NFIC: variants seen among roughly 807,000 people sequenced by gnomAD.
The protein encoded by NFIC is nuclear factor 1 C-type.
NFIC carries 12 observed loss-of-function variants against 54.4 expected under a neutral mutation model. The observed-to-expected ratio is 0.22, with a 90% CI of 0.14 to 0.36. NFIC has a LOEUF of 0.36. Ranked by LOEUF, NFIC falls within the 10% of genes least tolerant of loss-of-function variation. NFIC has a pLI of 1.00. For synonymous variants in NFIC, 322 were observed against 319.2 expected (o/e 1.01, Z -0.09); for missense variants, 575 against 718.2 (o/e 0.80, Z 2.28).
Position 3,369,798 on chromosome 19 carries a change from GGGCCAAGTCCCTCTT to G in NFIC, c.30+3137_30+3151del, listed in dbSNP as rs2080966934. ...CGCCACGTTAGTTATTCCGGGTTTG[GGGCCAAGTCCCTCTT>G]GGCCGCAGCGTGGCGGATTCCCCGA... On this transcript the variant is annotated intron_variant, in intron 1 of 10. Transcript: ENST00000443272. The surrounding 1 kb of genome is among the most constrained non-coding windows in gnomAD (Gnocchi z 4.3). Among the ~76,000 whole-genome samples, 3 of 152,288 alleles carry G rather than the reference GGGCCAAGTCCCTCTT, an allele frequency of 2.0e-5. No homozygotes were observed. The highest frequency in any genetic ancestry group is 2.0e-4 in the Admixed American group (3 of 15,308).
At position 3,453,150 on chromosome 19, in the gene NFIC, G is replaced by A. The variant is rs1320734192; in HGVS notation, c.1269+484G>A. On this transcript the variant is annotated intron_variant, in intron 8 of 10. Coordinates refer to ENST00000443272, the MANE Select transcript of NFIC (RefSeq NM_001245002.2). The surrounding 1 kb of genome is among the most constrained non-coding windows in gnomAD (Gnocchi z 6.7). ...GCTACTCAGGAGGCTGAGGTGGGAG[G>A]ATCGCTTGAACCTGGGAGGTCGAGG... 3.9e-5 allele frequency among the ~76,000 whole-genome samples: 6 copies of A among 152,168 alleles called. No individual in the cohort carries two copies. The highest frequency in any genetic ancestry group is 8.8e-5 in the Non-Finnish European group (6 of 68,040).
intron 1 of NFIC, among the ~76,000 whole-genome samples, chr19:3,373,265 G>A (rs2081053335): frequency 1.3e-5 from 2 of 152,202 alleles, no homozygotes; most frequent in African/African-American, 2.4e-5. Context: ...TGTCCTCCCA[G>A]AACATCAAGG....
chr19:3,435,263 AACTACGTCTTCCGGCAGCC>A, intron 6 of NFIC, 56 bp downstream of exon 6: 1 of 1,476,702 alleles, frequency 6.8e-7, no homozygotes, highest in Non-Finnish European at 9.1e-7. Flanking sequence ...CCGTGGCGGG[AACTACGTCTTCCGGCAGCC>A]ACTGCGCGGG....
chr19:3,453,624 G>T lies in NFIC; in HGVS notation c.1270-139G>T. 1 of 1,219,342 alleles carries T rather than the reference G, an allele frequency of 8.2e-7. No individual in the cohort carries two copies. Among genetic ancestry groups the T allele is most frequent in the Non-Finnish European group, 1.1e-6 (1 of 908,044 alleles). The allele number at this position is 1,219,342 out of a possible 1,614,324, so 75.5% of individuals were successfully genotyped here. A position where few individuals can be genotyped will look rare whatever the true frequency, so the allele number is the denominator to read the frequency against. ...GGCCGTCCTCAGACCCACCAAACCC[G>T]CCATGGTCACACCCGCGCCCTGGCC... On this transcript the variant is annotated intron_variant, in intron 8 of 10. Coordinates refer to ENST00000443272, the MANE Select transcript of NFIC (RefSeq NM_001245002.2). The surrounding 1 kb of genome is among the most constrained non-coding windows in gnomAD (Gnocchi z 6.7).
At chr19:3,415,634 C>A (rs192563391) in intron 2 of NFIC, among the ~76,000 whole-genome samples, 73 of 152,128 alleles carry the variant, frequency 4.8e-4, no homozygotes, top group African/African-American at 1.7e-3. Flanking sequence ...CTGTAGCCCC[C>A]CAACCCCTGC....
intron 1 of NFIC, 92 bp from the exon 2 acceptor site, chr19:3,381,620 A>C: frequency 2.0e-6 from 3 of 1,497,226 alleles, no homozygotes; most frequent in South Asian, 1.3e-5. Flanking sequence ...GGGTCTGTTC[A>C]GGGCCCCTCC....
intron 2 of NFIC, among the ~76,000 whole-genome samples, chr19:3,410,436 A>T (rs959438814): frequency 6.6e-6 from 1 of 152,200 alleles, no homozygotes; most frequent in Admixed American, 6.5e-5. Context: ...TTCCAGGCAG[A>T]GGCGCAGCCC....
chr19:3,366,609 C>G lies in NFIC; in HGVS notation c.-28C>G. 1 of 1,474,630 alleles carries G rather than the reference C, an allele frequency of 6.8e-7. No individual in the cohort carries two copies. The highest frequency in any genetic ancestry group is 9.0e-7 in the Non-Finnish European group (1 of 1,107,286). 91.3% of individuals were successfully genotyped at this position (1,474,630 alleles called of 1,614,324 possible). ...GTAAGTTCAGCGCGCCCGCTCCGGC[C>G]GGCCCTGCGCCTCCCGCCGCGCCCG... On this transcript the variant is annotated 5_prime_UTR_variant, in exon 1 of 11. Transcript: ENST00000443272.
intron 2 of NFIC, among the ~76,000 whole-genome samples, chr19:3,389,042 CT>C (rs1215377041): frequency 2.0e-5 from 3 of 152,102 alleles, no homozygotes. Context: ...CCTTAAACCT[CT>C]TTTCAAAAAC....
rs2082598162 is a variant in NFIC at position 3,458,831 on chromosome 19, G to A, written c.1509+2196G>A. On this transcript the variant is annotated intron_variant, in intron 10 of 10. Coordinates refer to ENST00000443272, the MANE Select transcript of NFIC (RefSeq NM_001245002.2). This position sits in a 1 kb window ranked among gnomAD's most constrained non-coding sequence, Gnocchi z 4.1. ...GGCCTGGGAGTCAGAACTTTCTGGA[G>A]CACAGAAAGGAGGTGACACATTGTC... Among the ~76,000 whole-genome samples, 1 of 152,124 alleles carries A rather than the reference G, an allele frequency of 6.6e-6. No homozygotes were observed. Among genetic ancestry groups the A allele is most frequent in the African/African-American group, 2.4e-5 (1 of 41,406 alleles).
intron 6 of NFIC, among the ~76,000 whole-genome samples, chr19:3,439,029 T>TGCTTCTCC (rs2082250442): frequency 6.6e-6 from 1 of 152,074 alleles, no homozygotes; most frequent in African/African-American, 2.4e-5. Flanking sequence ...CTGGCTTCTC[T>TGCTTCTCC]GCTTCTCCAG....
chr19:3,440,714 T>C (rs537211603), intron 6 of NFIC, among the ~76,000 whole-genome samples: 1 of 151,656 alleles, frequency 6.6e-6, no homozygotes, highest in East Asian at 2.0e-4. Context: ...AATGATGGGG[T>C]TTCACCCTGT....
rs981119699 is a variant in NFIC at position 3,459,338 on chromosome 19, C to G, written c.1509+2703C>G. Among the ~76,000 whole-genome samples, 1 of 152,008 alleles carries G rather than the reference C, an allele frequency of 6.6e-6. No individual in the cohort carries two copies. Among genetic ancestry groups the G allele is most frequent in the Admixed American group, 6.6e-5 (1 of 15,252 alleles). On this transcript the variant is annotated intron_variant, in intron 10 of 10. Transcript: ENST00000443272. The surrounding 1 kb of genome is among the most constrained non-coding windows in gnomAD (Gnocchi z 4.2). Reference sequence around the variant, plus strand: ...CCCATCGCCCCATGTCCGTCCCTATCAATCCCCCCACTGTGAGGCTGGGTG... The same window carrying G: ...CCCATCGCCCCATGTCCGTCCCTATGAATCCCCCCACTGTGAGGCTGGGTG...
At chr19:3,386,613 G>A (rs1158081403) in intron 2 of NFIC, among the ~76,000 whole-genome samples, 2 of 152,082 alleles carry the variant, frequency 1.3e-5, no homozygotes, top group African/African-American at 4.8e-5. Context: ...GTGAGCCACC[G>A]CGCCCGGCCT....
At chr19:3,389,002 C>G (rs1476417813) in intron 2 of NFIC, among the ~76,000 whole-genome samples, 1 of 152,136 alleles carries the variant, frequency 6.6e-6, no homozygotes, top group Non-Finnish European at 1.5e-5. Flanking sequence ...GAGACCCTGT[C>G]TCCAATAAAA....
chr19:3,461,087 T>C (rs1159134802), intron 10 of NFIC, among the ~76,000 whole-genome samples: 1 of 151,802 alleles, frequency 6.6e-6, no homozygotes, highest in Non-Finnish European at 1.5e-5. Flanking sequence ...ATCGTGCCAC[T>C]GCACTCCAGC....
At position 3,405,284 on chromosome 19, in the gene NFIC, A is replaced by G. The variant is rs2081629991; in HGVS notation, c.563-19822A>G. Among the ~76,000 whole-genome samples the G allele has an allele frequency of 4.6e-5, 7 of 152,254 alleles. 1 individual carries two copies. The South Asian group carries it at 1.4e-3, about 32-fold the overall frequency. ...ACGCCTCTGCCTCTCGGGCCCCCCC[A>G]GGTCACATCCAGATTTTCCTCCCTG... On this transcript the variant is annotated intron_variant, in intron 2 of 10. Coordinates refer to ENST00000443272, the MANE Select transcript of NFIC (RefSeq NM_001245002.2).
At chr19:3,456,529 C>T (rs755668673) in intron 9 of NFIC, 21 bp from the exon 10 acceptor site, 34 of 1,550,402 alleles carry the variant, frequency 2.2e-5, no homozygotes, top group East Asian at 4.9e-5. Flanking sequence ...AACGGGCTCT[C>T]GGTCTCTCTC....
intron 10 of NFIC, among the ~76,000 whole-genome samples, chr19:3,461,152 A>G (rs759099851): frequency 2.6e-4 from 39 of 151,102 alleles, no homozygotes; most frequent in Non-Finnish European, 4.7e-4. Flanking sequence ...CCTCTTTATA[A>G]AGTGAACAAG....
Sources: gnomAD v4.1 joint callset for allele counts (sites outside exome capture counted in the v4.1 genomes callset) on GRCh38, gnomAD v4.1.1 for gene constraint, Gnocchi (gnomAD v3.1) non-coding constraint, MANE v1.5 for transcripts, NCBI Gene and HGNC (gene_info 2026-07-23, HGNC 2026-07-21) for gene names.